The following MYO10 variants were observed in gnomAD, a reference collection of about 807,000 sequenced individuals.
The protein encoded by MYO10 is myosin X, also known as unconventional myosin-X.
Under a neutral mutation model 257.3 loss-of-function variants are expected in MYO10, and 133 were observed. The ratio of observed to expected loss-of-function variants is 0.52; its 90% confidence interval spans 0.45 to 0.60. The LOEUF (loss-of-function observed/expected upper bound fraction) is 0.60, where lower values mean the gene tolerates loss of function less well. Ranked by LOEUF, MYO10 falls within the 20% of genes least tolerant of loss-of-function variation. The probability of loss-of-function intolerance (pLI) is 0.00; values close to 1 mark genes in which losing one functional copy is unlikely to be tolerated. For synonymous variants in MYO10, 1,104 were observed against 1,028.6 expected (o/e 1.07, Z -1.40); for missense variants, 2,399 against 2,635.7 (o/e 0.91, Z 1.97).
chr5:16,805,981 C>T (rs1742264404), intron 3 of MYO10, among the ~76,000 whole-genome samples: 1 of 152,154 alleles, frequency 6.6e-6, no homozygotes, highest in African/African-American at 2.4e-5. Flanking sequence ...TATCATTTGA[C>T]TTCAGCATGC....
chr5:16,853,172 CA>C (rs1243951363), intron 2 of MYO10, among the ~76,000 whole-genome samples: 2 of 152,180 alleles, frequency 1.3e-5, no homozygotes, highest in Non-Finnish European at 2.9e-5. Context: ...AGATCGAGAC[CA>C]TCCTGGCTAA....
chr5:16,712,899 A>G (rs191394720), intron 19 of MYO10, among the ~76,000 whole-genome samples: 67 of 152,338 alleles, frequency 4.4e-4, no homozygotes, highest in Admixed American at 1.8e-3. Flanking sequence ...AAAAATATGA[A>G]AACAAAATTA....
intron 1 of MYO10, among the ~76,000 whole-genome samples, chr5:16,889,856 TTTATTGTCC>T (rs1745003871): frequency 6.6e-6 from 1 of 151,752 alleles, no homozygotes; most frequent in Non-Finnish European, 1.5e-5. Flanking sequence ...CATTTCCCAG[TTTATTGTCC>T]TTTCCTCCTC....
intron 2 of MYO10, among the ~76,000 whole-genome samples, chr5:16,870,416 A>G (rs1744420774): frequency 1.3e-5 from 2 of 151,474 alleles, no homozygotes; most frequent in African/African-American, 4.9e-5. Flanking sequence ...CAGCAACATA[A>G]TATCACCAAG....
Position 16,671,519 on chromosome 5 carries a change from C to T in MYO10, c.5333G>A (p.Gly1778Glu). ...GAAGTAGAATTTCCATGGCAGGTCC[C>T]CAACCTCGGATGTGGCAGCCAGCCT... The part of the protein sequence containing the change: ...FEKLAATSEV[G>E]DLPWKFYFKL... The change falls in exon 38 of 41, where the codon GGG becomes GAG. Residue 1778 changes from glycine to glutamate, a missense_variant. By Grantham distance (98) the Gly-to-Glu change is moderately conservative. Around this residue, in one of 3 missense-constraint regions of MYO10, gnomAD observed 1,820 missense variants for 1,939.4 expected, o/e 0.94. Coordinates refer to ENST00000513610, the MANE Select transcript of MYO10 (RefSeq NM_012334.3). The T allele has an allele frequency of 6.2e-7, 1 of 1,613,960 alleles. No homozygotes were observed. The highest frequency in any genetic ancestry group is 8.5e-7 in the Non-Finnish European group (1 of 1,179,876).
chr5:16,735,938 A>C (rs1001891020), intron 19 of MYO10, among the ~76,000 whole-genome samples: 2 of 152,128 alleles, frequency 1.3e-5, no homozygotes, highest in African/African-American at 4.8e-5. Flanking sequence ...ATCTCAACTG[A>C]AGAGTCTCTA....
chr5:16,701,802 A>T lies in MYO10; in HGVS notation c.2593T>A (p.Leu865Met). ...TCAGCTTCCTTCTGGCTCTTCTGCA[A>T]GGCTTCGAGTTCTTGCTGCTTCCTC... Reference protein sequence around the residue: ...ETRKQQELEALQKSQKEAELT... With the variant: ...ETRKQQELEAMQKSQKEAELT... Residue 865 changes from leucine to methionine, a missense_variant, in exon 25 of 41, where the codon TTG becomes ATG. By Grantham distance (15) the Leu-to-Met change is conservative. Around this residue, in one of 3 missense-constraint regions of MYO10, gnomAD observed 1,820 missense variants for 1,939.4 expected, o/e 0.94. Transcript: ENST00000513610. The surrounding 1 kb of genome is among the most constrained non-coding windows in gnomAD (Gnocchi z 8.1). 6.2e-7 allele frequency: 1 copy of T among 1,610,650 alleles called. No individual in the cohort carries two copies. Among genetic ancestry groups the T allele is most frequent in the African/African-American group, 1.3e-5 (1 of 74,660 alleles).
intron 1 of MYO10, among the ~76,000 whole-genome samples, chr5:16,901,574 G>A (rs1451279475): frequency 5.3e-5 from 8 of 152,010 alleles, no homozygotes; most frequent in Non-Finnish European, 8.8e-5. Flanking sequence ...TACCTCTACG[G>A]CATTTAAATA....
chr5:16,773,764 A>G (rs1369322903), intron 9 of MYO10, among the ~76,000 whole-genome samples: 2 of 151,098 alleles, frequency 1.3e-5, no homozygotes, highest in African/African-American at 4.9e-5. Flanking sequence ...GTTAAGTTCT[A>G]AAAAAAAATA....
intron 2 of MYO10, among the ~76,000 whole-genome samples, chr5:16,828,403 G>C (rs1743062322): frequency 6.6e-6 from 1 of 152,060 alleles, no homozygotes; most frequent in South Asian, 2.1e-4. Context: ...CTGAGGTCAG[G>C]AGTTCAAGAC....
chr5:16,878,945 T>A (rs778433513), intron 1 of MYO10, among the ~76,000 whole-genome samples: 8 of 149,910 alleles, frequency 5.3e-5, no homozygotes, highest in Non-Finnish European at 1.2e-4. Context: ...CATATCCATG[T>A]AACTAAACAC....
At chr5:16,817,424 T>C (rs1298270137) in intron 3 of MYO10, among the ~76,000 whole-genome samples, 1 of 152,198 alleles carries the variant, frequency 6.6e-6, no homozygotes, top group Non-Finnish European at 1.5e-5. Flanking sequence ...TAAATATCAC[T>C]TTATAATACA....
At chr5:16,688,676 G>A (rs116255048) in intron 28 of MYO10, among the ~76,000 whole-genome samples, 2,525 of 151,830 alleles carry the variant, frequency 0.017, 92 homozygotes, top group African/African-American at 0.057. Flanking sequence ...GAAGGTGGAG[G>A]CTGCGGTGAG....
At chr5:16,889,458 A>G (rs2126772600) in intron 1 of MYO10, among the ~76,000 whole-genome samples, 1 of 149,304 alleles carries the variant, frequency 6.7e-6, no homozygotes, top group African/African-American at 2.5e-5. Flanking sequence ...GAAAGAAGGA[A>G]GGGGAAGGGA....
intron 26 of MYO10, among the ~76,000 whole-genome samples, chr5:16,697,814 A>T (rs1367804013): frequency 1.3e-5 from 2 of 152,206 alleles, no homozygotes; most frequent in African/African-American, 4.8e-5. Flanking sequence ...AAATTTAAAA[A>T]TCAAATATGG....
chr5:16,666,855 C>A, intron 40 of MYO10, 62 bp from the exon 41 acceptor site: 14 of 1,339,620 alleles, frequency 1.0e-5, no homozygotes, highest in Non-Finnish European at 1.3e-5. Flanking sequence ...AAGGGCCCTG[C>A]CTAATAATCC....
In MYO10 at chr5:16,694,438, T is replaced by A. The variant is rs1463368419; in HGVS notation, c.3733A>T (p.Lys1245Ter). ...KKRWFVLRQSKLMYFENDSEE... is the reference protein window; with the variant it reads ...KKRWFVLRQS The stretch of plus-strand genomic sequence containing the variant: ...CTGTCGTTTTCAAAGTACATCAGCT[T>A]GGACTGGCGGAGGACAAACCAGCGC... The change falls in exon 27 of 41, where the codon AAG (lysine) becomes TAG (stop). Residue 1245 changes from lysine (K) to a stop codon, truncating the protein, a stop_gained. Coordinates refer to ENST00000513610, the MANE Select transcript of MYO10 (RefSeq NM_012334.3). LOFTEE classifies it high-confidence loss of function. The A allele has an allele frequency of 6.2e-7, 1 of 1,613,918 alleles. No homozygotes were observed. Among genetic ancestry groups the A allele is most frequent in the Non-Finnish European group, 8.5e-7 (1 of 1,179,912 alleles).
At chr5:16,738,596 A>C (rs1268387181) in intron 19 of MYO10, among the ~76,000 whole-genome samples, 2 of 151,956 alleles carry the variant, frequency 1.3e-5, no homozygotes, top group Non-Finnish European at 2.9e-5. Context: ...AAAAAACAAC[A>C]ACAACAAAAA....
At chr5:16,885,355 A>G (rs559798948) in intron 1 of MYO10, among the ~76,000 whole-genome samples, 1 of 152,314 alleles carries the variant, frequency 6.6e-6, no homozygotes, top group Admixed American at 6.5e-5. Context: ...ATGTGCAGAT[A>G]AGAATGGAGA....
Sources: allele counts gnomAD v4.1 joint callset (sites outside exome capture counted in the v4.1 genomes callset), GRCh38; gene constraint gnomAD v4.1.1; regional missense constraint gnomAD v4.1.1; non-coding constraint Gnocchi (gnomAD v3.1); transcripts MANE v1.5; gene names NCBI Gene and HGNC (gene_info 2026-07-23, HGNC 2026-07-21).